THBS2: variants seen among roughly 807,000 people sequenced by gnomAD.
THBS2 encodes the protein thrombospondin 2.
In THBS2, 47 loss-of-function variants were observed where a neutral mutation model predicts 135.2. The ratio of observed to expected loss-of-function variants is 0.35; its 90% CI spans 0.28 to 0.44. The LOEUF (loss-of-function observed/expected upper bound fraction) is 0.44, where lower values mean the gene tolerates loss of function less well. Ranked by LOEUF, THBS2 falls within the 20% of genes least tolerant of loss-of-function variation. The pLI is 1.00. For missense variants in THBS2, 1,288 were observed against 1,603.1 expected (o/e 0.80, Z 3.36); for synonymous variants, 639 against 633.8 (o/e 1.01, Z -0.12).
chr6:169,230,050 A>G (rs1461999109), intron 13 of THBS2, among the ~76,000 whole-genome samples: 2 of 152,368 alleles, frequency 1.3e-5, no homozygotes, highest in Admixed American at 1.3e-4. Context: ...ACTTCAGCTC[A>G]TAAATCAAAA....
intron 4 of THBS2, among the ~76,000 whole-genome samples, chr6:169,245,659 G>T (rs954893351): frequency 2.6e-5 from 4 of 152,054 alleles, no homozygotes; most frequent in South Asian, 2.1e-4. Flanking sequence ...GGGTGTGGTG[G>T]CGGGTGCCTG....
In THBS2 at chr6:169,217,702, A is replaced by C. The variant is rs190347402; in HGVS notation, c.*120T>G. On this transcript the variant is annotated 3_prime_UTR_variant, in exon 22 of 22. Coordinates refer to ENST00000617924, the MANE Select transcript of THBS2 (RefSeq NM_003247.5). ...CTGGCAGGAGGTGAAGAACCATCAG[A>C]GTTAAGGTCAAGGGACAGGAGGTGC... is the stretch of plus-strand genomic sequence containing the variant. The C allele has an allele frequency of 4.4e-6, 5 of 1,138,126 alleles. No homozygotes were observed. The highest frequency in any genetic ancestry group is 5.0e-5 in the East Asian group (2 of 40,156). 70.5% of individuals were successfully genotyped at this position (1,138,126 alleles called of 1,614,324 possible). A position where few individuals can be genotyped will look rare whatever the true frequency, so the allele number is the denominator to read the frequency against.
chr6:169,252,213 G>A lies in THBS2; in HGVS notation c.-22-1407C>T, dbSNP rs565092777. ...CGAGGCAGCTGCAGTAATAATGGTG[G>A]TGCTGATAGGGCCTTTCTATGGAGC... On this transcript the variant is annotated intron_variant, in intron 1 of 21. Transcript: ENST00000617924. The surrounding 1 kb of genome is among the most constrained non-coding windows in gnomAD (Gnocchi z 4.3). 6.6e-6 allele frequency: 1 copy of A among 152,370 alleles called. No individual in the cohort carries two copies. The highest frequency in any genetic ancestry group is 2.1e-4 in the South Asian group (1 of 4,820). The allele number at this position is 152,370 out of a possible 1,614,324, so 9.4% of individuals were successfully genotyped here.
At chr6:169,238,696 A>C (rs10945406) in intron 7 of THBS2, among the ~76,000 whole-genome samples, 12,659 of 152,260 alleles carry the variant, frequency 0.083, 635 homozygotes, top group South Asian at 0.13. Context: ...ACTCAGAAAA[A>C]TCCCATTTTA....
At position 169,248,845 on chromosome 6, in the gene THBS2, C is replaced by T; in HGVS notation, c.181G>A (p.Asp61Asn). 3.7e-6 allele frequency: 6 copies of T among 1,611,314 alleles called. No individual in the cohort carries two copies. In the South Asian group the frequency reaches 6.6e-5, roughly 18 times the overall value. ...GVPAYRFVRFDYIPPVNADDL... is the reference protein window; with the variant it reads ...GVPAYRFVRFNYIPPVNADDL... ...TCTGCGTTCACCGGTGGGATGTAGT[C>T]AAAGCGCACGAAGCGGTAAGCCGGC... The change falls in exon 3 of 22, where the codon GAC (aspartate) becomes AAC (asparagine). Residue 61 changes from aspartate (D) to asparagine (N), a missense_variant. By Grantham distance (23) the Asp-to-Asn change is conservative. This residue lies in a region of THBS2 where 414 missense variants were observed against 447.0 expected (regional missense o/e 0.93). Coordinates refer to ENST00000617924, the MANE Select transcript of THBS2 (RefSeq NM_003247.5).
chr6:169,238,844 T>C (rs956815401), intron 7 of THBS2, among the ~76,000 whole-genome samples: 1 of 151,886 alleles, frequency 6.6e-6, no homozygotes, highest in Non-Finnish European at 1.5e-5. Context: ...TGGTGACTAG[T>C]TTAGTTTGGG....
At position 169,252,164 on chromosome 6, in the gene THBS2, G is replaced by A. The variant is rs73046034; in HGVS notation, c.-22-1358C>T. The A allele has an allele frequency of 0.2, 30,783 of 152,146 alleles. 3,479 individuals are homozygous for A. Among genetic ancestry groups the A allele is most frequent in the Middle Eastern group, 0.26 (77 of 292 alleles). The allele number at this position is 152,146 out of a possible 1,614,324, so 9.4% of individuals were successfully genotyped here. On this transcript the variant is annotated intron_variant, in intron 1 of 21. Coordinates refer to ENST00000617924, the MANE Select transcript of THBS2 (RefSeq NM_003247.5). This position sits in a 1 kb window ranked among gnomAD's most constrained non-coding sequence, Gnocchi z 4.3. ...CGGAGCAGAATGTGCCTCTGGGTCT[G>A]GGGCGCTTTCTACTCTAACTGCCCG... is the stretch of plus-strand genomic sequence containing the variant.
chr6:169,235,912 C>T (rs1351173324), intron 9 of THBS2, among the ~76,000 whole-genome samples: 1 of 127,280 alleles, frequency 7.9e-6, no homozygotes, highest in African/African-American at 3.0e-5. Flanking sequence ...CCACACTCTC[C>T]CTCTGTCCAC....
At chr6:169,234,596 A>T in intron 10 of THBS2, 138 bp downstream of exon 10, 1 of 901,000 alleles carries the variant, frequency 1.1e-6, no homozygotes, top group Non-Finnish European at 1.6e-6. Flanking sequence ...CACAGATGTT[A>T]AAAGTAGTTA....
rs1247157369 is a variant in THBS2, at chr6:169,239,793, G to A, written c.1033-98C>T. The A allele has an allele frequency of 7.7e-6, 7 of 909,782 alleles. No individual in the cohort carries two copies. The East Asian group carries it at 1.3e-4, about 17-fold the overall frequency. The allele number at this position is 909,782 out of a possible 1,614,324, so 56.4% of individuals were successfully genotyped here. A position where few individuals can be genotyped will look rare whatever the true frequency, so the allele number is the denominator to read the frequency against. On this transcript the variant is annotated intron_variant, in intron 6 of 21. Transcript: ENST00000617924. ...GAAGGGGTCGACAGAATGGCTGAAT[G>A]TTTTCCATCCTACGGACCATACATT...
At chr6:169,248,396 C>A in intron 3 of THBS2, 21 bp downstream of exon 3, 1 of 1,580,252 alleles carries the variant, frequency 6.3e-7, no homozygotes, top group South Asian at 1.1e-5. Context: ...CTCACGGCGG[C>A]CACCTCCCTG....
chr6:169,242,846 ACTG>A (rs1780388611), intron 4 of THBS2, among the ~76,000 whole-genome samples: 2 of 8,682 alleles, frequency 2.3e-4, no homozygotes, highest in Admixed American at 1.7e-3. Context: ...CCACCTTCCC[ACTG>A]CTCCCACCTT....
chr6:169,242,315 C>T (rs959921339), intron 4 of THBS2, among the ~76,000 whole-genome samples: 1 of 152,084 alleles, frequency 6.6e-6, no homozygotes, highest in East Asian at 1.9e-4. Flanking sequence ...CCAGTGGCCA[C>T]GCATGTCACT....
intron 14 of THBS2, among the ~76,000 whole-genome samples, chr6:169,229,026 TATATC>T: frequency 6.6e-6 from 1 of 152,254 alleles, no homozygotes; most frequent in Middle Eastern, 3.4e-3. Context: ...GCAAAAATGG[TATATC>T]ATACACTTCA....
At chr6:169,249,757 G>A (rs187871008) in intron 2 of THBS2, among the ~76,000 whole-genome samples, 208 of 152,274 alleles carry the variant, frequency 1.4e-3, no homozygotes, top group Non-Finnish European at 2.4e-3. Flanking sequence ...AAAGCCAGGC[G>A]CGGTGGCTCA....
chr6:169,242,415 C>A (rs1171314925), intron 4 of THBS2, among the ~76,000 whole-genome samples: 2 of 152,050 alleles, frequency 1.3e-5, no homozygotes, highest in South Asian at 2.1e-4. Flanking sequence ...CCTCTCGACT[C>A]TTCATCCTTT....
At position 169,250,000 on chromosome 6, in the gene THBS2, A is replaced by T. The variant is rs145532686; in HGVS notation, c.52+733T>A. ...AGCCCAGATCACGCCACTGCACTCC[A>T]GCCTGGGTGACAGAGCAGGACTCCG... On this transcript the variant is annotated intron_variant, in intron 2 of 21. Coordinates refer to ENST00000617924, the MANE Select transcript of THBS2 (RefSeq NM_003247.5). 9.2e-3 allele frequency among the ~76,000 whole-genome samples: 1,406 copies of T among 152,112 alleles called. 15 individuals are homozygous for T. Among genetic ancestry groups the T allele is most frequent in the African/African-American group, 0.032 (1,323 of 41,484 alleles).
At chr6:169,245,107 C>A (rs1780497642) in intron 4 of THBS2, among the ~76,000 whole-genome samples, 1 of 152,232 alleles carries the variant, frequency 6.6e-6, no homozygotes, top group Non-Finnish European at 1.5e-5. Flanking sequence ...AATGGCCTGG[C>A]CTTCGTGTGC....
chr6:169,232,800 T>A lies in THBS2; in HGVS notation c.1796A>T (p.Asp599Val). ...CACCTTGCTGGTGGAGAAGCAGATG[T>A]CGGGGACCAGGGCACACTGCGGGGA... ...EDLDECALVPDICFSTSKVPR... is the reference protein window; with the variant it reads ...EDLDECALVPVICFSTSKVPR... Residue 599 changes from aspartate (D) to valine (V), a missense_variant, in exon 12 of 22, where the codon GAC becomes GTC. Physicochemically the swap from Asp to Val is radical, Grantham distance 152 (BLOSUM62 -3). Coordinates refer to ENST00000617924, the MANE Select transcript of THBS2 (RefSeq NM_003247.5). 6.2e-7 allele frequency: 1 copy of A among 1,613,550 alleles called. No homozygotes were observed. The highest frequency in any genetic ancestry group is 8.5e-7 in the Non-Finnish European group (1 of 1,179,720).
Sources: gnomAD v4.1 joint callset for allele counts (sites outside exome capture counted in the v4.1 genomes callset) on GRCh38, gnomAD v4.1.1 for gene constraint, gnomAD v4.1.1 regional missense constraint, Gnocchi (gnomAD v3.1) non-coding constraint, MANE v1.5 for transcripts, NCBI Gene and HGNC (gene_info 2026-07-23, HGNC 2026-07-21) for gene names.